The following XPOT variants were observed in gnomAD, a reference collection of about 807,000 sequenced individuals.
The protein encoded by XPOT is exportin for tRNA.
In XPOT, 34 loss-of-function variants were observed where a neutral mutation model predicts 128.2. That is an observed-to-expected ratio of 0.27 (90% CI 0.20 to 0.35). The LOEUF (loss-of-function observed/expected upper bound fraction) is 0.35. XPOT is among the 10% of genes least tolerant of loss of function. The pLI, the probability that XPOT is intolerant of heterozygous loss-of-function variation, is 1.00. For missense variants in XPOT, 838 were observed against 1,125.3 expected (o/e 0.74, Z 3.65); for synonymous variants, 348 against 394.3 (o/e 0.88, Z 1.39).
In XPOT at chr12:64,410,067, C is replaced by G. The variant is rs769478845; in HGVS notation, c.32C>G (p.Pro11Arg). The change falls in exon 2 of 25, where the codon CCA becomes CGA. Residue 11 changes from proline (P) to arginine (R), a missense_variant. By Grantham distance (103) the Pro-to-Arg change is moderately radical (BLOSUM62 -2). Around this residue, in one of 3 missense-constraint regions of XPOT, gnomAD observed 761 missense variants for 988.3 expected, o/e 0.77. Coordinates refer to ENST00000332707, the MANE Select transcript of XPOT (RefSeq NM_007235.6). ...GAACAGGCTCTATTAGGGCTAAATC[C>G]AAATGCTGATTCAGACTTTAGACAA... MDEQALLGLN[P>R]NADSDFRQRA... The G allele has an allele frequency of 6.2e-7, 1 of 1,613,828 alleles. No homozygotes were observed. The highest frequency in any genetic ancestry group is 1.1e-5 in the South Asian group (1 of 91,078).
intron 23 of XPOT, chr12:64,443,463 T>G (rs1054354945): frequency 5.9e-5 from 9 of 152,098 alleles, no homozygotes; most frequent in Non-Finnish European, 1.2e-4. Flanking sequence ...TTGTTTTTTA[T>G]TTTTATTTTG....
At chr12:64,427,945 C>G in intron 15 of XPOT, 106 bp from the exon 16 acceptor site, 1 of 716,518 alleles carries the variant, frequency 1.4e-6, no homozygotes, top group Non-Finnish European at 2.4e-6. Flanking sequence ...AAGTGACTAG[C>G]CTACAACTGA....
chr12:64,409,825 G>T (rs1001889319), intron 1 of XPOT, 137 bp from the exon 2 acceptor site: 1 of 524,372 alleles, frequency 1.9e-6, no homozygotes, highest in Non-Finnish European at 3.4e-6. Flanking sequence ...ACTTTTAGTT[G>T]TAATTTAGAT....
chr12:64,422,351 T>G (rs1463984435), intron 9 of XPOT, among the ~76,000 whole-genome samples: 1 of 152,244 alleles, frequency 6.6e-6, no homozygotes, highest in Admixed American at 6.5e-5. Context: ...TTATGTATAC[T>G]TCAAGAAATT....
Position 64,423,259 on chromosome 12 carries a change from T to C in XPOT, c.1182+15T>C, listed in dbSNP as rs1354058843. 1 of 1,522,876 alleles carries C rather than the reference T, an allele frequency of 6.6e-7. No homozygotes were observed. 94.3% of individuals were successfully genotyped at this position (1,522,876 alleles called of 1,614,324 possible). A position where few individuals can be genotyped will look rare whatever the true frequency, so the allele number is the denominator to read the frequency against. On this transcript the variant is annotated intron_variant, in intron 11 of 24. Transcript: ENST00000332707. ...TTGAAAATGAGGTAAGAATTTTTTT[T>C]TGTTGAGGAGAAAGGAGTTTTAATT...
intron 1 of XPOT, among the ~76,000 whole-genome samples, chr12:64,405,943 C>T (rs1335284219): frequency 6.6e-6 from 1 of 151,490 alleles, no homozygotes; most frequent in Non-Finnish European, 1.5e-5. Context: ...CGTCCAAATG[C>T]CTTCTATGTG....
chr12:64,446,795 G>A (rs1471645409), intron 24 of XPOT, among the ~76,000 whole-genome samples: 1 of 151,864 alleles, frequency 6.6e-6, no homozygotes, highest in Non-Finnish European at 1.5e-5. Flanking sequence ...TCCTTGTAAG[G>A]TTTTCTTTTG....
chr12:64,423,536 C>G (rs1354233721), intron 11 of XPOT, among the ~76,000 whole-genome samples: 1 of 152,256 alleles, frequency 6.6e-6, no homozygotes, highest in Non-Finnish European at 1.5e-5. Flanking sequence ...TCACTGCATC[C>G]TCTGCCTCCT....
chr12:64,417,318 A>G (rs1240957802), intron 4 of XPOT, among the ~76,000 whole-genome samples: 1 of 152,212 alleles, frequency 6.6e-6, no homozygotes, highest in Non-Finnish European at 1.5e-5. Context: ...CCAAGGCAAG[A>G]GGATCGTTTG....
intron 11 of XPOT, among the ~76,000 whole-genome samples, chr12:64,424,228 G>C (rs559313617): frequency 6.6e-6 from 1 of 152,282 alleles, no homozygotes; most frequent in East Asian, 1.9e-4. Context: ...GCCCATTCTA[G>C]TGCTAGAGTA....
Position 64,418,093 on chromosome 12 carries a change from T to A in XPOT, c.248T>A (p.Leu83His). ...TVQQQLIRET[L>H]ISWLQAQMLN... is the part of the protein sequence containing the mutation. ...CAACAACAGCTAATTAGGGAGACGC[T>A]CATATCATGGCTGCAAGCTCAGGTA... The change falls in exon 5 of 25, where the codon CTC becomes CAC. Residue 83 changes from leucine (L) to histidine (H), a missense_variant. This residue lies in a region of XPOT where 761 missense variants were observed against 988.3 expected (regional missense o/e 0.77). Transcript: ENST00000332707. The A allele has an allele frequency of 1.2e-6, 2 of 1,613,510 alleles. No homozygotes were observed. The highest frequency in any genetic ancestry group is 1.7e-6 in the Non-Finnish European group (2 of 1,179,724).
chr12:64,427,411 G>A (rs913140413), intron 15 of XPOT, among the ~76,000 whole-genome samples: 2 of 152,000 alleles, frequency 1.3e-5, no homozygotes, highest in African/African-American at 4.8e-5. Flanking sequence ...ATGAGCCACC[G>A]CGCCCAGCCC....
At position 64,419,600 on chromosome 12, in the gene XPOT, C is replaced by T. The variant is rs545214600; in HGVS notation, c.490-470C>T. On this transcript the variant is annotated intron_variant, in intron 6 of 24. Transcript: ENST00000332707. ...TGGGGATTACAGGCATGAGCCACTG[C>T]GCCCAGCCTAAATTTTTTTTAACTA... Among the ~76,000 whole-genome samples the T allele has an allele frequency of 4.6e-5, 7 of 152,330 alleles. No homozygotes were observed. In the South Asian group the frequency reaches 1.0e-3, roughly 23 times the overall value.
chr12:64,421,183 T>A, intron 8 of XPOT, 52 bp from the exon 9 acceptor site: 1 of 1,340,308 alleles, frequency 7.5e-7, no homozygotes, highest in South Asian at 1.2e-5. Flanking sequence ...CAGTTTTTCC[T>A]CTTAGCTTGG....
chr12:64,436,035 C>T (rs1024460525), intron 22 of XPOT, among the ~76,000 whole-genome samples: 2 of 151,948 alleles, frequency 1.3e-5, no homozygotes, highest in African/African-American at 2.4e-5. Context: ...CGGCTCACGG[C>T]GACCCCTGCC....
At chr12:64,419,209 T>C in intron 6 of XPOT, 115 bp downstream of exon 6, 2 of 769,340 alleles carry the variant, frequency 2.6e-6, no homozygotes, top group East Asian at 2.8e-5. Flanking sequence ...TCTTAAGTTA[T>C]ATAATTATAA....
In XPOT at chr12:64,433,622, T is replaced by A; in HGVS notation, c.2452+19T>A. On this transcript the variant is annotated intron_variant, in intron 19 of 24. Transcript: ENST00000332707. ...AATCAAGGTGGGAACACATGCCATATCTAATTTGTCTGCTTAAGTCTGTGT... is the reference window on the plus strand; with the variant it reads ...AATCAAGGTGGGAACACATGCCATAACTAATTTGTCTGCTTAAGTCTGTGT... 3.2e-6 allele frequency: 5 copies of A among 1,570,856 alleles called. No individual in the cohort carries two copies. The highest frequency in any genetic ancestry group is 4.3e-6 in the Non-Finnish European group (5 of 1,152,564).
intron 5 of XPOT, 137 bp downstream of exon 5, chr12:64,418,252 G>A: frequency 6.1e-6 from 4 of 653,706 alleles, no homozygotes; most frequent in Non-Finnish European, 1.0e-5. Flanking sequence ...AAAGGTGCTG[G>A]TTTTAAAGAT....
Position 64,449,971 on chromosome 12 carries a change from C to T in XPOT, c.*1840C>T, listed in dbSNP as rs1471736039. ...CCTTGGGCAAGTTAAAGAATGTCTC[C>T]CAGCCTCAGTTTCCCTATTTGTAAA... On this transcript the variant is annotated 3_prime_UTR_variant, in exon 25 of 25. Transcript: ENST00000332707. 6.6e-6 allele frequency: 1 copy of T among 152,114 alleles called. No homozygotes were observed. Among genetic ancestry groups the T allele is most frequent in the Non-Finnish European group, 1.5e-5 (1 of 68,024 alleles). 9.4% of individuals were successfully genotyped at this position (152,114 alleles called of 1,614,324 possible). A position where few individuals can be genotyped will look rare whatever the true frequency, so the allele number is the denominator to read the frequency against.
Sources: gnomAD v4.1 joint callset for allele counts (sites outside exome capture counted in the v4.1 genomes callset) on GRCh38, gnomAD v4.1.1 for gene constraint, gnomAD v4.1.1 regional missense constraint, MANE v1.5 for transcripts, NCBI Gene and HGNC (gene_info 2026-07-23, HGNC 2026-07-21) for gene names.